TBPL1: variants seen among roughly 807,000 people sequenced by gnomAD.
TBPL1 encodes the protein TATA box-binding protein-like 1.
Under a neutral mutation model 22.1 loss-of-function variants are expected in TBPL1, and 4 were observed. The observed-to-expected ratio is 0.18, with a 90% CI of 0.09 to 0.41. The LOEUF (loss-of-function observed/expected upper bound fraction) is 0.41, where lower values mean the gene tolerates loss of function less well. Among genes scored for constraint, TBPL1 ranks in the 10% least tolerant of loss-of-function variants. The probability of loss-of-function intolerance (pLI) is 1.00; values close to 1 mark genes in which losing one functional copy is unlikely to be tolerated. For synonymous variants in TBPL1, 64 were observed against 71.0 expected (o/e 0.90, Z 0.50); for missense variants, 115 against 222.3 (o/e 0.52, Z 3.07).
chr6:133,966,020 A>G (rs1213910294), intron 1 of TBPL1, among the ~76,000 whole-genome samples: 1 of 152,220 alleles, frequency 6.6e-6, no homozygotes, highest in African/African-American at 2.4e-5. Context: ...TAAGTGGTAG[A>G]GTCTAGATTT....
At chr6:133,985,140 G>A (rs535496653) in intron 6 of TBPL1, among the ~76,000 whole-genome samples, 4 of 151,110 alleles carry the variant, frequency 2.6e-5, no homozygotes, top group African/African-American at 9.7e-5. Context: ...TTAGCTGGGC[G>A]TGGTGGTGAA....
At chr6:133,965,570 T>C (rs930886825) in intron 1 of TBPL1, among the ~76,000 whole-genome samples, 1 of 152,002 alleles carries the variant, frequency 6.6e-6, no homozygotes, top group African/African-American at 2.4e-5. Flanking sequence ...AACAACTATT[T>C]GCTTTGATTT....
chr6:133,958,820 A>G (rs1775969665), intron 1 of TBPL1, among the ~76,000 whole-genome samples: 1 of 152,124 alleles, frequency 6.6e-6, no homozygotes, highest in African/African-American at 2.4e-5. Flanking sequence ...GTGCAGGGTA[A>G]AGTGTTATAA....
At chr6:133,980,004 T>C (rs1776380829) in intron 1 of TBPL1, 78 bp from the exon 2 acceptor site, 1 of 1,088,192 alleles carries the variant, frequency 9.2e-7, no homozygotes, top group Non-Finnish European at 1.2e-6. Flanking sequence ...ATTCATTTTT[T>C]ACATTTCAAT....
chr6:133,980,010 T>C, intron 1 of TBPL1, 72 bp from the exon 2 acceptor site: 2 of 1,147,684 alleles, frequency 1.7e-6, no homozygotes, highest in Non-Finnish European at 2.3e-6. Context: ...TTTTTACATT[T>C]CAATTTCAAA....
chr6:133,958,250 C>T (rs1286996121), intron 1 of TBPL1, among the ~76,000 whole-genome samples: 1 of 152,200 alleles, frequency 6.6e-6, no homozygotes, highest in African/African-American at 2.4e-5. Flanking sequence ...CCAATGGTTT[C>T]ATTTAACAGA....
In TBPL1 at chr6:133,985,290, AAAAAAAAATATATATATATATATATAT is replaced by A. The variant is rs1248653914; in HGVS notation, c.481+621_481+647del. On this transcript the variant is annotated intron_variant, in intron 6 of 6. Transcript: ENST00000237264. The stretch of plus-strand genomic sequence containing the variant: ...GAGACTCTGTCTAAAAAAAAAAAAA[AAAAAAAAATATATATATATATATATAT>A]ATATATATATATATATATATACACA... 1.7e-4 allele frequency among the ~76,000 whole-genome samples: 11 copies of A among 64,418 alleles called. 1 individual carries two copies. Among genetic ancestry groups the A allele is most frequent in the South Asian group, 8.3e-4 (2 of 2,422 alleles). The allele number at this position is 64,418 out of a possible 152,430, so 42.3% of individuals were successfully genotyped here. A position where few individuals can be genotyped will look rare whatever the true frequency, so the allele number is the denominator to read the frequency against.
chr6:133,975,139 G>C (rs1396948171), intron 1 of TBPL1, among the ~76,000 whole-genome samples: 1 of 152,124 alleles, frequency 6.6e-6, no homozygotes, highest in Non-Finnish European at 1.5e-5. Context: ...GCTACTGATA[G>C]TTTGTTCTGA....
chr6:133,986,344 A>G (rs1404278028), intron 6 of TBPL1, among the ~76,000 whole-genome samples: 2 of 152,248 alleles, frequency 1.3e-5, no homozygotes, highest in African/African-American at 4.8e-5. Flanking sequence ...ATGAAAGATT[A>G]CATTTTTATA....
intron 1 of TBPL1, among the ~76,000 whole-genome samples, chr6:133,969,111 G>C (rs1424898646): frequency 1.3e-5 from 2 of 152,078 alleles, no homozygotes; most frequent in Non-Finnish European, 2.9e-5. Context: ...TTTTCAACCA[G>C]AATTTTTGCA....
chr6:133,956,339 C>T (rs1457028468), intron 1 of TBPL1, among the ~76,000 whole-genome samples: 1 of 152,154 alleles, frequency 6.6e-6, no homozygotes, highest in Non-Finnish European at 1.5e-5. Context: ...TGTCTGGTGC[C>T]GTGTCAGGTG....
intron 4 of TBPL1, 84 bp downstream of exon 4, chr6:133,982,964 T>C (rs1776442720): frequency 3.2e-6 from 4 of 1,257,484 alleles, no homozygotes; most frequent in African/African-American, 3.0e-5. Context: ...ACTCAAGAAA[T>C]CACTATGCGT....
At chr6:133,954,018 A>G (rs1455154499) in intron 1 of TBPL1, among the ~76,000 whole-genome samples, 6 of 152,222 alleles carry the variant, frequency 3.9e-5, no homozygotes, top group African/African-American at 1.2e-4. Flanking sequence ...AATTGTGGGT[A>G]GGGCTAAGCA....
chr6:133,959,730 G>A (rs1313689754), intron 1 of TBPL1, among the ~76,000 whole-genome samples: 1 of 152,132 alleles, frequency 6.6e-6, no homozygotes, highest in Non-Finnish European at 1.5e-5. Context: ...TGGTCCCTCT[G>A]CCTCAGCCTC....
intron 1 of TBPL1, among the ~76,000 whole-genome samples, chr6:133,979,727 A>G (rs1038961091): frequency 1.3e-5 from 2 of 151,720 alleles, no homozygotes; most frequent in Admixed American, 6.6e-5. Flanking sequence ...GCTCACTGCA[A>G]CCTCCGCCTC....
rs766219297 is a variant in TBPL1, at chr6:133,986,952, T to C, written c.482-9T>C. 16 of 1,602,438 alleles carry C rather than the reference T, an allele frequency of 1.0e-5. No homozygotes were observed. The South Asian group carries it at 1.6e-4, about 16-fold the overall frequency. On this transcript the variant is annotated splice_polypyrimidine_tract_variant and intron_variant, in intron 6 of 6. Coordinates refer to ENST00000237264, the MANE Select transcript of TBPL1 (RefSeq NM_004865.4). ...CTTCTCACTCCTTCCTCCATTGTGT[T>C]TATTACAGGGCCCAATGTAAAGGCT... is the stretch of plus-strand genomic sequence containing the variant.
chr6:133,955,972 A>G (rs1383802760), intron 1 of TBPL1, among the ~76,000 whole-genome samples: 4 of 152,356 alleles, frequency 2.6e-5, no homozygotes, highest in African/African-American at 9.6e-5. Flanking sequence ...TTTATGAAAC[A>G]TATAGCTGAA....
At chr6:133,964,664 G>A (rs549928271) in intron 1 of TBPL1, among the ~76,000 whole-genome samples, 1 of 152,076 alleles carries the variant, frequency 6.6e-6, no homozygotes, top group East Asian at 1.9e-4. Flanking sequence ...TAGCCAGGAT[G>A]GTCTCGATCT....
intron 1 of TBPL1, among the ~76,000 whole-genome samples, chr6:133,957,232 T>C (rs977646176): frequency 1.3e-5 from 2 of 152,202 alleles, no homozygotes; most frequent in Admixed American, 6.5e-5. Flanking sequence ...TGGGAGTCAA[T>C]AATGAAAATG....
Sources: gnomAD v4.1 joint callset for allele counts (sites outside exome capture counted in the v4.1 genomes callset) on GRCh38, gnomAD v4.1.1 for gene constraint, MANE v1.5 for transcripts, NCBI Gene and HGNC (gene_info 2026-07-23, HGNC 2026-07-21) for gene names.